Variants in F13B observed in about 807,000 individuals in gnomAD.
F13B encodes the protein coagulation factor XIII B chain, also known as TGase.
A neutral mutation model predicts 79.8 loss-of-function variants in F13B; 58 were observed. The ratio of observed to expected loss-of-function variants is 0.73; its 90% CI spans 0.59 to 0.90. The LOEUF is 0.90. F13B is among the 40% of genes least tolerant of loss of function. The pLI is 0.00. For missense variants in F13B, 773 were observed against 777.0 expected (o/e 0.99, Z 0.06); for synonymous variants, 283 against 260.3 (o/e 1.09, Z -0.84).
intron 1 of F13B, among the ~76,000 whole-genome samples, chr1:197,064,390 A>G (rs1471792107): frequency 7.2e-5 from 11 of 152,236 alleles, no homozygotes; most frequent in Non-Finnish European, 1.2e-4. Context: ...CTAAATGCCC[A>G]TAAATAATAG....
chr1:197,062,767 T>A, intron 2 of F13B, 90 bp downstream of exon 2: 1 of 1,278,120 alleles, frequency 7.8e-7, no homozygotes, highest in East Asian at 2.3e-5. Flanking sequence ...CTAAAAGGTT[T>A]AACCGCTTTC....
rs374521116 is a variant in F13B, at chr1:197,060,400, G to A, written c.771C>T (p.Asn257=). The A allele has an allele frequency of 4.8e-5, 78 of 1,612,458 alleles. No individual in the cohort carries two copies. In the African/African-American group the frequency reaches 1.0e-3, roughly 21 times the overall value. ...LSGSDLIQCY[N]FGWYPESPVC... ...CAGGAGATTCTGGGTACCAACCAAA[G>A]TTATAGCATTGAATTAAATCAGATC... is the stretch of plus-strand genomic sequence containing the variant. The change falls in exon 5 of 12, where the codon AAC becomes AAT. Residue 257 remains asparagine (N), a synonymous_variant. Coordinates refer to ENST00000367412, the MANE Select transcript of F13B (RefSeq NM_001994.3).
At chr1:197,056,979 G>A (rs371807272) in intron 7 of F13B, 34 bp downstream of exon 7, 2 of 1,607,916 alleles carry the variant, frequency 1.2e-6, no homozygotes, top group Non-Finnish European at 8.5e-7. Context: ...TACACCATAA[G>A]TTTAGCTACT....
At chr1:197,062,712 T>C in intron 2 of F13B, 145 bp downstream of exon 2, 2 of 757,656 alleles carry the variant, frequency 2.6e-6, no homozygotes, top group African/African-American at 1.8e-5. Flanking sequence ...AATTATGCCT[T>C]CATTTTGTAG....
At position 197,052,766 on chromosome 1, in the gene F13B, T is replaced by C; in HGVS notation, c.1423A>G (p.Lys475Glu). 1 of 1,611,152 alleles carries C rather than the reference T, an allele frequency of 6.2e-7. No individual in the cohort carries two copies. Among genetic ancestry groups the C allele is most frequent in the East Asian group, 2.2e-5 (1 of 44,706 alleles). The part of the protein sequence containing the change: ...NIEMKWKYEG[K>E]VLHGDLIDFV... The stretch of plus-strand genomic sequence containing the variant: ...TCTATTAAATCTCCATGTAAGACTT[T>C]CCCTTCATATTTCCACTTCATTTCT... Residue 475 changes from lysine to glutamate, a missense_variant, in exon 9 of 12, where the codon AAA becomes GAA. Coordinates refer to ENST00000367412, the MANE Select transcript of F13B (RefSeq NM_001994.3).
rs1050281113 is a variant in F13B, at chr1:197,049,328, T to G, written c.1738+1369A>C. Among the ~76,000 whole-genome samples the G allele has an allele frequency of 1.9e-4, 29 of 152,116 alleles. 1 individual carries two copies. The highest frequency in any genetic ancestry group is 6.7e-4 in the African/African-American group (28 of 41,550). On this transcript the variant is annotated intron_variant, in intron 10 of 11. Transcript: ENST00000367412. ...GAATCAACAAATGCAAATGTTGGTT[T>G]TTTGAAAACACTAATAAAATGTATA...
chr1:197,049,268 T>C (rs857018), intron 10 of F13B, among the ~76,000 whole-genome samples: 68,049 of 151,688 alleles, frequency 0.45, 16,828 homozygotes, highest in East Asian at 0.82. Context: ...ATAAAGATAA[T>C]AGCATAATTA....
chr1:197,041,207 A>C (rs1655025343), intron 10 of F13B, among the ~76,000 whole-genome samples: 1 of 152,148 alleles, frequency 6.6e-6, no homozygotes, highest in Non-Finnish European at 1.5e-5. Flanking sequence ...CACTGACCCA[A>C]GCTTTATAAC....
In F13B at chr1:197,040,610, G is replaced by T. The variant is rs758301404; in HGVS notation, c.1864C>A (p.Pro622Thr). The change falls in exon 11 of 12, where the codon CCA (proline) becomes ACA (threonine). Residue 622 changes from proline to threonine, a missense_variant. Coordinates refer to ENST00000367412, the MANE Select transcript of F13B (RefSeq NM_001994.3). ...GATCCAGTAATATATAATTCAGCTG[G>T]ATAAGTATCTCCTCTACAAATAAAC... ...IEFICRGDTY[P>T]AELYITGSIL... The T allele has an allele frequency of 1.2e-6, 2 of 1,612,708 alleles. No homozygotes were observed. The highest frequency in any genetic ancestry group is 2.7e-5 in the African/African-American group (2 of 74,802).
chr1:197,039,642 C>G (rs995602283), intron 11 of F13B, among the ~76,000 whole-genome samples: 58 of 152,090 alleles, frequency 3.8e-4, no homozygotes, highest in African/African-American at 1.3e-3. Flanking sequence ...TTACCTTTTT[C>G]TCTTAAAAGT....
intron 1 of F13B, among the ~76,000 whole-genome samples, chr1:197,064,381 TA>T (rs755169398): frequency 2.0e-5 from 3 of 152,150 alleles, no homozygotes; most frequent in Non-Finnish European, 2.9e-5. Context: ...GGGAACAATC[TA>T]AATGCCCATA....
rs970871876 is a variant in F13B, at chr1:197,061,654, T to C, written c.451+130A>G. 20 of 798,714 alleles carry C rather than the reference T, an allele frequency of 2.5e-5. No individual in the cohort carries two copies. In the African/African-American group the frequency reaches 3.3e-4, roughly 13 times the overall value. 49.5% of individuals were successfully genotyped at this position (798,714 alleles called of 1,614,324 possible). Reference sequence around the variant, plus strand: ...AGTACTTGAGAAAAGCAATGTAATATCAACTTCCTGCATTGTAGACATAAT... The same window carrying C: ...AGTACTTGAGAAAAGCAATGTAATACCAACTTCCTGCATTGTAGACATAAT... On this transcript the variant is annotated intron_variant, in intron 3 of 11. Transcript: ENST00000367412.
rs765498516 is a variant in F13B at position 197,061,823 on chromosome 1, C to T, written c.412G>A (p.Asp138Asn). Residue 138 changes from aspartate (D) to asparagine (N), a missense_variant, in exon 3 of 12, where the codon GAT becomes AAT. By Grantham distance (23) the Asp-to-Asn change is conservative (BLOSUM62 1). Transcript: ENST00000367412. ...KDEEVVQCLS[D>N]GWSSQPTCRK... is the part of the protein sequence containing the mutation. ...CAGGTTGGTTGAGAAGACCATCCAT[C>T]AGAGAGACATTGAACCACTTCTTCA... is the stretch of plus-strand genomic sequence containing the variant. 1.2e-6 allele frequency: 2 copies of T among 1,613,300 alleles called. No individual in the cohort carries two copies. Among genetic ancestry groups the T allele is most frequent in the Admixed American group, 1.7e-5 (1 of 59,908 alleles).
chr1:197,045,106 G>A (rs1020345874), intron 10 of F13B, among the ~76,000 whole-genome samples: 4 of 152,062 alleles, frequency 2.6e-5, no homozygotes, highest in African/African-American at 9.7e-5. Context: ...AACTAGAGAA[G>A]CAAGAGCAAA....
chr1:197,054,365 A>G (rs1655559275), intron 8 of F13B, among the ~76,000 whole-genome samples: 1 of 152,120 alleles, frequency 6.6e-6, no homozygotes, highest in South Asian at 2.1e-4. Flanking sequence ...ACATTTATAA[A>G]AATATGAGAC....
At chr1:197,040,875 C>A in intron 10 of F13B, 140 bp from the exon 11 acceptor site, 1 of 648,900 alleles carries the variant, frequency 1.5e-6, no homozygotes, top group African/African-American at 1.8e-5. Context: ...GTCAGTTAAT[C>A]AGAATTAATA....
rs766923179 is a variant in F13B at position 197,055,827 on chromosome 1, G to T, written c.1242C>A (p.Ser414Arg). Residue 414 changes from serine to arginine, a missense_variant, in exon 8 of 12, where the codon AGC becomes AGA. By Grantham distance (110) the Ser-to-Arg change is moderately radical. Coordinates refer to ENST00000367412, the MANE Select transcript of F13B (RefSeq NM_001994.3). The stretch of plus-strand genomic sequence containing the variant: ...ATTCCACTGAGGATCCTGTTGCATA[G>T]CTTGCCAATATCCCGTCTGCAACAG... ...NGAVADGILASYATGSSVEYR... is the reference protein window; with the variant it reads ...NGAVADGILARYATGSSVEYR... The T allele has an allele frequency of 1.2e-6, 2 of 1,613,396 alleles. No homozygotes were observed. The highest frequency in any genetic ancestry group is 1.7e-6 in the Non-Finnish European group (2 of 1,179,694).
chr1:197,054,180 A>C (rs967716367), intron 8 of F13B, among the ~76,000 whole-genome samples: 2 of 152,080 alleles, frequency 1.3e-5, no homozygotes, highest in Non-Finnish European at 2.9e-5. Context: ...AACTCTCTTG[A>C]GGCAGTTGTT....
rs201594137 is a variant in F13B at position 197,060,902 on chromosome 1, T to C, written c.625A>G (p.Thr209Ala). 1.9e-6 allele frequency: 3 copies of C among 1,612,902 alleles called. No homozygotes were observed. The highest frequency in any genetic ancestry group is 2.7e-5 in the African/African-American group (2 of 74,992). ...TTTATTCCAAATGAGAACCTACTGGTACATTTTGGTGTGAGAGACCATCCG... is the reference window on the plus strand; with the variant it reads ...TTTATTCCAAATGAGAACCTACTGGCACATTTTGGTGTGAGAGACCATCCG... Reference protein sequence around the residue: ...TYGWSLTPKCTKLKCSSLRLI... With the variant: ...TYGWSLTPKCAKLKCSSLRLI... The change falls in exon 4 of 12, where the codon ACC becomes GCC. Residue 209 changes from threonine to alanine, a missense_variant. By Grantham distance (58) the Thr-to-Ala change is moderately conservative (BLOSUM62 0). Transcript: ENST00000367412.
Sources: gnomAD v4.1 joint callset for allele counts (sites outside exome capture counted in the v4.1 genomes callset) on GRCh38, gnomAD v4.1.1 for gene constraint, MANE v1.5 for transcripts, NCBI Gene and HGNC (gene_info 2026-07-23, HGNC 2026-07-21) for gene names.